The following OPCML variants were observed in gnomAD, a reference collection of about 807,000 sequenced individuals.
The protein encoded by OPCML is opioid-binding protein/cell adhesion molecule.
In OPCML, 13 loss-of-function variants were observed where a neutral mutation model predicts 37.8. The observed-to-expected ratio is 0.34, with a 90% CI of 0.22 to 0.55. The LOEUF (loss-of-function observed/expected upper bound fraction) is 0.55. OPCML is among the 20% of genes least tolerant of loss of function. The pLI, the probability that OPCML is intolerant of heterozygous loss-of-function variation, is 0.91. For missense variants in OPCML, 341 were observed against 435.6 expected (o/e 0.78, Z 1.93); for synonymous variants, 176 against 168.8 (o/e 1.04, Z -0.33).
intron 1 of OPCML, among the ~76,000 whole-genome samples, chr11:133,121,398 T>A (rs954827042): frequency 6.6e-6 from 1 of 152,196 alleles, no homozygotes; most frequent in African/African-American, 2.4e-5. Context: ...CTGCCAAGAA[T>A]AGGTATTCGT....
chr11:133,378,565 C>G (rs1344678431), intron 1 of OPCML, among the ~76,000 whole-genome samples: 2 of 152,130 alleles, frequency 1.3e-5, no homozygotes, highest in Non-Finnish European at 2.9e-5. Context: ...TACTGACTTT[C>G]ATCTTGTAAT....
At chr11:132,523,569 G>T (rs1334125055) in intron 4 of OPCML, among the ~76,000 whole-genome samples, 4 of 152,154 alleles carry the variant, frequency 2.6e-5, no homozygotes, top group Admixed American at 2.6e-4. Context: ...ACTTTAGGAA[G>T]AACTGACAAG....
chr11:132,857,624 A>T (rs1942109577), intron 2 of OPCML, among the ~76,000 whole-genome samples: 1 of 152,234 alleles, frequency 6.6e-6, no homozygotes, highest in Non-Finnish European at 1.5e-5. Flanking sequence ...GTAAAACCAG[A>T]TATAAGGCTG....
chr11:133,432,648 C>T (rs552123321), intron 1 of OPCML, among the ~76,000 whole-genome samples: 1 of 152,320 alleles, frequency 6.6e-6, no homozygotes, highest in Middle Eastern at 3.4e-3. Flanking sequence ...TCTTCTGGAA[C>T]TTCAATTAGG....
chr11:133,308,840 T>C (rs1464646030), intron 1 of OPCML, among the ~76,000 whole-genome samples: 1 of 152,146 alleles, frequency 6.6e-6, no homozygotes, highest in Non-Finnish European at 1.5e-5. Context: ...AAGAGAGATG[T>C]GTAACATTAA....
At chr11:133,336,800 G>T (rs1282501390) in intron 1 of OPCML, among the ~76,000 whole-genome samples, 2 of 152,090 alleles carry the variant, frequency 1.3e-5, no homozygotes, top group African/African-American at 2.4e-5. Flanking sequence ...AAAGAATGAG[G>T]ACTTCTTCCT....
chr11:132,792,305 G>A (rs149653930), intron 2 of OPCML, among the ~76,000 whole-genome samples: 76 of 152,148 alleles, frequency 5.0e-4, no homozygotes, highest in African/African-American at 1.8e-3. Flanking sequence ...AAAAAAAAGT[G>A]CTGAGGGAGT....
At chr11:133,321,058 G>A (rs183891369) in intron 1 of OPCML, among the ~76,000 whole-genome samples, 3 of 152,112 alleles carry the variant, frequency 2.0e-5, no homozygotes, top group Non-Finnish European at 2.9e-5. Flanking sequence ...ATGTCTTCAT[G>A]TACGGATAGG....
intron 1 of OPCML, among the ~76,000 whole-genome samples, chr11:133,125,678 A>G (rs1949492583): frequency 3.4e-5 from 1 of 29,130 alleles, no homozygotes; most frequent in Non-Finnish European, 8.5e-5. Context: ...AGTATAGTAT[A>G]TGTATATAGT....
chr11:132,982,089 T>C (rs186163167), intron 1 of OPCML, among the ~76,000 whole-genome samples: 1 of 152,306 alleles, frequency 6.6e-6, no homozygotes, highest in African/African-American at 2.4e-5. Flanking sequence ...TTAAGCTTTT[T>C]ACATCTGCTC....
chr11:133,286,135 T>C (rs955194365), intron 1 of OPCML, among the ~76,000 whole-genome samples: 10 of 152,070 alleles, frequency 6.6e-5, no homozygotes, highest in African/African-American at 2.4e-4. Flanking sequence ...TCTAAATCCA[T>C]GTCTCCAGAC....
intron 4 of OPCML, among the ~76,000 whole-genome samples, chr11:132,488,898 C>T (rs2096207788): frequency 6.6e-6 from 1 of 152,120 alleles, no homozygotes; most frequent in Non-Finnish European, 1.5e-5. Context: ...ATAGGTCAGA[C>T]CATGCTGGTT....
At chr11:133,097,392 C>T (rs1949018784) in intron 1 of OPCML, among the ~76,000 whole-genome samples, 3 of 152,094 alleles carry the variant, frequency 2.0e-5, no homozygotes, top group Admixed American at 1.3e-4. Context: ...GCACGTAAAG[C>T]ATGCTTAGAT....
chr11:133,046,929 G>C (rs1948028200), intron 1 of OPCML, among the ~76,000 whole-genome samples: 1 of 148,252 alleles, frequency 6.7e-6, no homozygotes, highest in Admixed American at 6.7e-5. Flanking sequence ...GAGTGGAAGG[G>C]GATATTTTTA....
At chr11:133,423,275 T>C (rs916144045) in intron 1 of OPCML, 2 of 985,290 alleles carry the variant, frequency 2.0e-6, no homozygotes, top group African/African-American at 1.7e-5. Flanking sequence ...GTTTTAGCAA[T>C]TGGAATTTTA....
intron 4 of OPCML, among the ~76,000 whole-genome samples, chr11:132,476,659 G>A (rs933194406): frequency 3.3e-5 from 5 of 151,894 alleles, no homozygotes; most frequent in Admixed American, 3.3e-4. Context: ...ATGGACACAG[G>A]AATGAGAACA....
At chr11:133,103,980 AG>A (rs539581764) in intron 1 of OPCML, among the ~76,000 whole-genome samples, 1 of 152,222 alleles carries the variant, frequency 6.6e-6, no homozygotes, top group Non-Finnish European at 1.5e-5. Context: ...TTTTCAGGAA[AG>A]AGATATAATA....
chr11:132,712,021 C>T (rs1944283359), intron 2 of OPCML, among the ~76,000 whole-genome samples: 1 of 152,178 alleles, frequency 6.6e-6, no homozygotes, highest in South Asian at 2.1e-4. Context: ...ACCTGGAAAG[C>T]TTCTATTGTT....
intron 1 of OPCML, among the ~76,000 whole-genome samples, chr11:133,400,922 G>A (rs58793966): frequency 0.025 from 3,874 of 152,258 alleles, 162 homozygotes; most frequent in African/African-American, 0.086. Flanking sequence ...AAATAAACCA[G>A]TGCCCTTGTG....
Sources: allele counts gnomAD v4.1 joint callset (sites outside exome capture counted in the v4.1 genomes callset), GRCh38; gene constraint gnomAD v4.1.1; transcripts MANE v1.5; gene names NCBI Gene and HGNC (gene_info 2026-07-23, HGNC 2026-07-21).